Variants in CYP2C18 observed in about 807,000 individuals in gnomAD.
CYP2C18 encodes the protein cytochrome P450 2C18.
A neutral mutation model predicts 41.3 loss-of-function variants in CYP2C18; 38 were observed. The observed-to-expected ratio is 0.92, with a 90% CI of 0.71 to 1.21. CYP2C18 has a LOEUF of 1.21. Ranked by LOEUF, CYP2C18 falls within the 50% of genes most tolerant of loss-of-function variation. CYP2C18 has a pLI of 0.00. For missense variants in CYP2C18, 635 were observed against 591.4 expected, an observed-to-expected ratio of 1.07 and a Z score of -0.77; for synonymous variants, 236 against 210.0, an observed-to-expected ratio of 1.12 and a Z score of -1.07.
At chr10:94,706,371 A>G (rs1847342978) in intron 4 of CYP2C18, among the ~76,000 whole-genome samples, 1 of 152,134 alleles carries the variant, frequency 6.6e-6, no homozygotes, top group African/African-American at 2.4e-5. Flanking sequence ...GCTTCCTGCT[A>G]GGAGTAGAAA....
intron 5 of CYP2C18, among the ~76,000 whole-genome samples, chr10:94,709,990 T>C (rs998764760): frequency 6.6e-6 from 1 of 152,212 alleles, no homozygotes; most frequent in African/African-American, 2.4e-5. Context: ...CAGTACTTTT[T>C]TTTTTTGAGA....
chr10:94,691,019 A>G (rs1053527761), intron 3 of CYP2C18, among the ~76,000 whole-genome samples: 7 of 152,230 alleles, frequency 4.6e-5, no homozygotes, highest in Non-Finnish European at 1.0e-4. Flanking sequence ...GATAGGACGT[A>G]TCTCAAAATA....
intron 4 of CYP2C18, 37 bp from the exon 5 acceptor site, chr10:94,706,747 A>C (rs747628502): frequency 3.2e-5 from 38 of 1,193,754 alleles, no homozygotes; most frequent in Non-Finnish European, 4.3e-5. Context: ...TCTTCAATAC[A>C]TGTGTTTAAT....
intron 1 of CYP2C18, among the ~76,000 whole-genome samples, chr10:94,685,733 C>T (rs1575933): frequency 1 from 152,250 of 152,322 alleles, 76,089 homozygotes; most frequent in East Asian, 1. Flanking sequence ...GGGTTCTCTA[C>T]GCTTTTCCTT....
At chr10:94,731,495 A>G (rs1847832120) in intron 7 of CYP2C18, among the ~76,000 whole-genome samples, 1 of 152,178 alleles carries the variant, frequency 6.6e-6, no homozygotes, top group Non-Finnish European at 1.5e-5. Flanking sequence ...GAAACAAAAA[A>G]GCCTGAATAG....
chr10:94,704,564 A>C (rs752040336), intron 4 of CYP2C18, among the ~76,000 whole-genome samples: 5 of 152,060 alleles, frequency 3.3e-5, no homozygotes, highest in South Asian at 2.1e-4. Flanking sequence ...GAGGAAAGGA[A>C]TGAAGGAAGA....
At chr10:94,698,113 G>A (rs1313364188) in intron 4 of CYP2C18, among the ~76,000 whole-genome samples, 1 of 152,168 alleles carries the variant, frequency 6.6e-6, no homozygotes, top group Non-Finnish European at 1.5e-5. Flanking sequence ...ACTGAACTCA[G>A]CTCTGCACCA....
In CYP2C18 at chr10:94,695,093, T is replaced by G; in HGVS notation, c.642+16T>G. On this transcript the variant is annotated intron_variant, in intron 4 of 8. Transcript: ENST00000285979. ...ATGGATCCAGGTGAGATCAAGAGCTTCTCTTCCTGAGATATTATTTTTGTT... is the reference window on the plus strand; with the variant it reads ...ATGGATCCAGGTGAGATCAAGAGCTGCTCTTCCTGAGATATTATTTTTGTT... The G allele has an allele frequency of 6.3e-7, 1 of 1,585,402 alleles. No individual in the cohort carries two copies. Among genetic ancestry groups the G allele is most frequent in the Non-Finnish European group, 8.5e-7 (1 of 1,171,084 alleles).
At position 94,724,484 on chromosome 10, in the gene CYP2C18, C is replaced by A. The variant is rs569398127; in HGVS notation, c.1100C>A (p.Pro367His). 2 of 1,613,456 alleles carry A rather than the reference C, an allele frequency of 1.2e-6. No homozygotes were observed. Among genetic ancestry groups the A allele is most frequent in the African/African-American group, 2.7e-5 (2 of 74,826 alleles). ...RYIDLLPTNL[P>H]HAVTCDVKFK... ...ATTGACCTCCTCCCCACCAACCTGC[C>A]CCATGCAGTGACCTGTGATGTTAAA... Residue 367 changes from proline to histidine, a missense_variant, in exon 7 of 9, where the codon CCC becomes CAC. Physicochemically the swap from Pro to His is moderately conservative, Grantham distance 77. Coordinates refer to ENST00000285979, the MANE Select transcript of CYP2C18 (RefSeq NM_000772.3).
intron 4 of CYP2C18, among the ~76,000 whole-genome samples, chr10:94,703,990 C>T (rs1417428826): frequency 6.6e-6 from 1 of 152,152 alleles, no homozygotes; most frequent in Non-Finnish European, 1.5e-5. Flanking sequence ...GAGGGAGTTC[C>T]CCAACCCGTT....
intron 5 of CYP2C18, among the ~76,000 whole-genome samples, chr10:94,719,861 A>T (rs923970760): frequency 1.3e-5 from 2 of 151,494 alleles, no homozygotes; most frequent in Non-Finnish European, 2.9e-5. Context: ...GGCATGTGCC[A>T]CCATGCCTGG....
rs573032473 is a variant in CYP2C18 at position 94,693,704 on chromosome 10, A to G, written c.482-1213A>G. On this transcript the variant is annotated intron_variant, in intron 3 of 8. Coordinates refer to ENST00000285979, the MANE Select transcript of CYP2C18 (RefSeq NM_000772.3). ...ATCCCTTGGCATGTTTCAGCTGAAA[A>G]GAAGCCTGGCATAGGAGCAGTTAAC... Among the ~76,000 whole-genome samples the G allele has an allele frequency of 5.9e-5, 9 of 152,310 alleles. No homozygotes were observed. The South Asian group carries it at 1.7e-3, about 28-fold the overall frequency.
chr10:94,719,719 C>T (rs757837380), intron 5 of CYP2C18, among the ~76,000 whole-genome samples: 11 of 151,794 alleles, frequency 7.2e-5, no homozygotes, highest in South Asian at 6.3e-4. Flanking sequence ...AGATTACAGG[C>T]GCATGCCATC....
chr10:94,720,536 A>G lies in CYP2C18; in HGVS notation c.960A>G (p.Thr320=). 1 of 1,612,580 alleles carries G rather than the reference A, an allele frequency of 6.2e-7. No homozygotes were observed. The change falls in exon 6 of 9, where the codon ACA becomes ACG. Residue 320 remains threonine, a splice_region_variant and synonymous_variant. Coordinates refer to ENST00000285979, the MANE Select transcript of CYP2C18 (RefSeq NM_000772.3). ...TCCTGCTGAAGTACCCAGAGGTCAC[A>G]GGTATGATGATACCATAGGTGAGCA... The part of the protein sequence containing the change: ...LLLLLKYPEV[T]AKVQEEIECV...
At chr10:94,714,463 G>A (rs765602089) in intron 5 of CYP2C18, among the ~76,000 whole-genome samples, 16 of 152,094 alleles carry the variant, frequency 1.1e-4, no homozygotes, top group Non-Finnish European at 1.9e-4. Flanking sequence ...GTTTTTGTCA[G>A]GTTTGTCAAA....
chr10:94,684,684 A>G (rs1204899167), intron 1 of CYP2C18, among the ~76,000 whole-genome samples: 1 of 152,186 alleles, frequency 6.6e-6, no homozygotes, highest in African/African-American at 2.4e-5. Flanking sequence ...TGTCTTCCAC[A>G]TACTGACTTC....
chr10:94,690,366 T>A (rs1032275208), intron 3 of CYP2C18, among the ~76,000 whole-genome samples: 6 of 152,102 alleles, frequency 3.9e-5, no homozygotes, highest in African/African-American at 1.4e-4. Flanking sequence ...AATCTAATAT[T>A]GAAATGTAAC....
chr10:94,703,964 C>T, intron 4 of CYP2C18, among the ~76,000 whole-genome samples: 1 of 152,188 alleles, frequency 6.6e-6, no homozygotes, highest in East Asian at 1.9e-4. Context: ...TCCCTCATGG[C>T]TTCCCTTGGC....
Position 94,735,997 on chromosome 10 carries a change from A to T in CYP2C18, c.*553A>T, listed in dbSNP as rs1847913767. On this transcript the variant is annotated 3_prime_UTR_variant, in exon 9 of 9. Coordinates refer to ENST00000285979, the MANE Select transcript of CYP2C18 (RefSeq NM_000772.3). Reference sequence around the variant, plus strand: ...ATTGGAGGTCTGAATTTGGAAAAAAAAACTATGTCCAGGAGCAGCTGTAAC... The same window carrying T: ...ATTGGAGGTCTGAATTTGGAAAAAATAACTATGTCCAGGAGCAGCTGTAAC... 1 of 152,842 alleles carries T rather than the reference A, an allele frequency of 6.5e-6. No homozygotes were observed. The highest frequency in any genetic ancestry group is 6.5e-5 in the Admixed American group (1 of 15,382). The allele number at this position is 152,842 out of a possible 1,614,324, so 9.5% of individuals were successfully genotyped here.
Sources: gnomAD v4.1 joint callset for allele counts (sites outside exome capture counted in the v4.1 genomes callset) on GRCh38, gnomAD v4.1.1 for gene constraint, MANE v1.5 for transcripts, NCBI Gene and HGNC (gene_info 2026-07-23, HGNC 2026-07-21) for gene names.